The following UBXN8 variants were observed in gnomAD, a reference collection of about 807,000 sequenced individuals.
UBXN8 encodes UBX domain-containing protein 8.
In UBXN8, 27 loss-of-function variants were observed where a neutral mutation model predicts 32.1. The ratio of observed to expected loss-of-function variants is 0.84; its 90% CI spans 0.62 to 1.16. The LOEUF is 1.16. Ranked by LOEUF, UBXN8 falls within the 50% of genes most tolerant of loss-of-function variation. The pLI is 0.00. For synonymous variants in UBXN8, 109 were observed against 111.8 expected, an observed-to-expected ratio of 0.98 and a Z score of 0.16; for missense variants, 306 against 311.4, an observed-to-expected ratio of 0.98 and a Z score of 0.13.
At chr8:30,763,165 T>G in intron 6 of UBXN8, 108 bp from the exon 7 acceptor site, 1 of 1,069,892 alleles carries the variant, frequency 9.3e-7, no homozygotes, top group Non-Finnish European at 1.4e-6. Flanking sequence ...TTTTAATAAT[T>G]AGCAAAGCAG....
intron 1 of UBXN8, among the ~76,000 whole-genome samples, chr8:30,735,953 CTTCTATA>C (rs1459918070): frequency 7.2e-5 from 11 of 152,204 alleles, no homozygotes; most frequent in Non-Finnish European, 1.5e-4. Context: ...GGTGATGGTA[CTTCTATA>C]AACAATTTGA....
chr8:30,754,883 A>G (rs1805611836), intron 4 of UBXN8, 96 bp downstream of exon 4: 3 of 1,401,774 alleles, frequency 2.1e-6, no homozygotes, highest in South Asian at 1.5e-5. Context: ...GACTGCTTTT[A>G]GGAGTTTTTA....
intron 5 of UBXN8, among the ~76,000 whole-genome samples, chr8:30,758,031 G>C (rs1429409907): frequency 2.0e-5 from 3 of 151,772 alleles, no homozygotes; most frequent in African/African-American, 7.3e-5. Context: ...GAGTAGCTGG[G>C]ACTACAGGCG....
At chr8:30,755,117 A>G (rs1365962754) in intron 4 of UBXN8, among the ~76,000 whole-genome samples, 1 of 151,354 alleles carries the variant, frequency 6.6e-6, no homozygotes, top group African/African-American at 2.4e-5. Flanking sequence ...CACCATGCCC[A>G]GCTAATTTTT....
At chr8:30,757,024 A>C in intron 5 of UBXN8, 137 bp downstream of exon 5, 1 of 1,345,922 alleles carries the variant, frequency 7.4e-7, no homozygotes, top group East Asian at 2.5e-5. Flanking sequence ...CTTACAAAGC[A>C]ATCACCCCAG....
chr8:30,761,017 T>C (rs1805818716), intron 6 of UBXN8, 88 bp downstream of exon 6: 1 of 971,364 alleles, frequency 1.0e-6, no homozygotes, highest in Non-Finnish European at 1.5e-6. Context: ...TAAACTTGGG[T>C]TTAGAAAGAA....
At chr8:30,759,761 C>T (rs921245017) in intron 5 of UBXN8, among the ~76,000 whole-genome samples, 8 of 150,800 alleles carry the variant, frequency 5.3e-5, no homozygotes, top group Non-Finnish European at 1.0e-4. Context: ...TCGAGACCAT[C>T]TTGGCTAACA....
upstream of UBXN8, among the ~76,000 whole-genome samples, chr8:30,741,082 A>G (rs1805188735): frequency 6.6e-6 from 1 of 152,158 alleles, no homozygotes; most frequent in Non-Finnish European, 1.5e-5. Flanking sequence ...AAATCTCCAT[A>G]TTGAAAAGAC....
intron 1 of UBXN8, among the ~76,000 whole-genome samples, chr8:30,747,563 AG>A (rs1442839502): frequency 7.1e-6 from 1 of 141,070 alleles, no homozygotes; most frequent in East Asian, 2.0e-4. Flanking sequence ...CACTCACCTC[AG>A]CTTCTCAAAG....
upstream of UBXN8, among the ~76,000 whole-genome samples, chr8:30,731,979 G>A (rs779810543): frequency 1.3e-5 from 2 of 152,174 alleles, no homozygotes; most frequent in Admixed American, 6.5e-5. Flanking sequence ...CGTACATATT[G>A]CTGGGGTTGC....
intron 1 of UBXN8, among the ~76,000 whole-genome samples, chr8:30,734,588 C>T (rs1805034748): frequency 2.0e-5 from 3 of 151,868 alleles, no homozygotes; most frequent in Admixed American, 2.0e-4. Context: ...CCACTGCACT[C>T]CAGCTTGGGT....
In UBXN8 at chr8:30,763,348, G is replaced by GT. The variant is rs759841931; in HGVS notation, c.645+2dup. On this transcript the variant is annotated splice_donor_variant, in intron 7 of 7. Coordinates refer to ENST00000265616, the MANE Select transcript of UBXN8 (RefSeq NM_005671.4). LOFTEE classifies it high-confidence loss of function. The stretch of plus-strand genomic sequence containing the variant: ...GTTTTTGAAGTCCTACAGCTCACAG[G>GT]TAAGTGAAGGAATTCACATTTTGAG... 6.8e-6 allele frequency: 11 copies of GT among 1,613,276 alleles called. No homozygotes were observed. The African/African-American group carries it at 1.5e-4, about 22-fold the overall frequency.
intron 6 of UBXN8, among the ~76,000 whole-genome samples, chr8:30,762,502 C>T (rs1282800447): frequency 3.9e-5 from 6 of 152,178 alleles, no homozygotes; most frequent in African/African-American, 4.8e-5. Context: ...AAGCCATTCT[C>T]CTGCCTCAGC....
intron 1 of UBXN8, among the ~76,000 whole-genome samples, chr8:30,738,929 G>A (rs922963681): frequency 2.7e-5 from 4 of 150,780 alleles, no homozygotes; most frequent in African/African-American, 9.7e-5. Context: ...GCACTCCAGC[G>A]TGGGCAACAA....
upstream of UBXN8, chr8:30,732,210 C>T (rs1804975166): frequency 2.7e-6 from 1 of 374,372 alleles, no homozygotes; most frequent in Non-Finnish European, 4.7e-6. Context: ...AGTTTCCCAC[C>T]AGAGACCTAG....
chr8:30,750,721 C>T (rs186471742), intron 1 of UBXN8, among the ~76,000 whole-genome samples: 5 of 148,918 alleles, frequency 3.4e-5, no homozygotes, highest in African/African-American at 7.5e-5. Context: ...TGCAGTGAGC[C>T]GAGATCATGC....
upstream of UBXN8, among the ~76,000 whole-genome samples, chr8:30,740,580 C>T (rs1805177293): frequency 6.7e-6 from 1 of 148,776 alleles, no homozygotes; most frequent in South Asian, 2.2e-4. Context: ...TAAAAATTAG[C>T]CAGTCATGGT....
chr8:30,744,517 A>G (rs946847777), intron 1 of UBXN8: 26 of 551,148 alleles, frequency 4.7e-5, no homozygotes, highest in African/African-American at 4.5e-4. Flanking sequence ...GCAATCATAG[A>G]CAGTGCTTTC....
At chr8:30,764,090 C>G (rs1317931009) in intron 7 of UBXN8, among the ~76,000 whole-genome samples, 1 of 152,144 alleles carries the variant, frequency 6.6e-6, no homozygotes. Flanking sequence ...TAGTCTCATG[C>G]CAAAACCAGT....
Sources: allele counts gnomAD v4.1 joint callset (sites outside exome capture counted in the v4.1 genomes callset), GRCh38; gene constraint gnomAD v4.1.1; transcripts MANE v1.5; gene names NCBI Gene and HGNC (gene_info 2026-07-23, HGNC 2026-07-21).